VPS33A: variants seen among roughly 807,000 people sequenced by gnomAD.
VPS33A encodes the protein vacuolar protein sorting-associated protein 33A.
A neutral mutation model predicts 71.8 loss-of-function variants in VPS33A; 32 were observed. The observed-to-expected ratio is 0.45, with a 90% CI of 0.34 to 0.60. The LOEUF is 0.60. Among genes scored for constraint, VPS33A ranks in the 20% least tolerant of loss-of-function variants. VPS33A has a pLI of 0.02. For missense variants in VPS33A, 625 were observed against 748.5 expected, an observed-to-expected ratio of 0.84 and a Z score of 1.92; for synonymous variants, 311 against 292.7, an observed-to-expected ratio of 1.06 and a Z score of -0.64.
rs572728469 is a variant in VPS33A at position 122,229,716 on chromosome 12, G to C, written c.*2530C>G. On this transcript the variant is annotated 3_prime_UTR_variant, in exon 13 of 13. Coordinates refer to ENST00000267199, the MANE Select transcript of VPS33A (RefSeq NM_022916.6). ...TCTCAGTAAGGGCATACTCTTTTGA[G>C]ACAAAGACTGCTTCAAGTATTAAAT... 6.6e-6 allele frequency: 1 copy of C among 152,188 alleles called. No homozygotes were observed. The highest frequency in any genetic ancestry group is 1.9e-4 in the East Asian group (1 of 5,204). 9.4% of individuals were successfully genotyped at this position (152,188 alleles called of 1,614,324 possible).
intron 3 of VPS33A, among the ~76,000 whole-genome samples, chr12:122,261,724 TG>T (rs1401762336): frequency 1.3e-5 from 2 of 151,224 alleles, no homozygotes; most frequent in African/African-American, 4.9e-5. Flanking sequence ...CAAAAATGGC[TG>T]GGCGCAGTGG....
At chr12:122,250,490 C>T (rs1456543425) in intron 5 of VPS33A, among the ~76,000 whole-genome samples, 2 of 152,204 alleles carry the variant, frequency 1.3e-5, no homozygotes, top group East Asian at 1.9e-4. Context: ...TCACACTGAA[C>T]TGACAGCCAG....
intron 4 of VPS33A, among the ~76,000 whole-genome samples, chr12:122,254,889 A>G (rs977685821): frequency 6.6e-6 from 1 of 151,982 alleles, no homozygotes; most frequent in Non-Finnish European, 1.5e-5. Context: ...TGTCTCTACC[A>G]AAAACACAAA....
chr12:122,242,359 C>T, intron 8 of VPS33A, 23 bp downstream of exon 8: 1 of 1,602,962 alleles, frequency 6.2e-7, no homozygotes, highest in Non-Finnish European at 8.5e-7. Flanking sequence ...CAGACTGAAA[C>T]AATCATTACA....
intron 4 of VPS33A, among the ~76,000 whole-genome samples, chr12:122,260,099 A>G (rs1954972387): frequency 6.6e-6 from 1 of 152,072 alleles, no homozygotes; most frequent in Non-Finnish European, 1.5e-5. Flanking sequence ...ACTGAACTAG[A>G]TTAGTGGCTG....
At position 122,231,160 on chromosome 12, in the gene VPS33A, T is replaced by C. The variant is rs554327976; in HGVS notation, c.*1086A>G. The C allele has an allele frequency of 6.6e-6, 1 of 152,352 alleles. No homozygotes were observed. The highest frequency in any genetic ancestry group is 6.5e-5 in the Admixed American group (1 of 15,304). The allele number at this position is 152,352 out of a possible 1,614,324, so 9.4% of individuals were successfully genotyped here. A position where few individuals can be genotyped will look rare whatever the true frequency, so the allele number is the denominator to read the frequency against. On this transcript the variant is annotated 3_prime_UTR_variant, in exon 13 of 13. Coordinates refer to ENST00000267199, the MANE Select transcript of VPS33A (RefSeq NM_022916.6). ...CCTCAATGGAGGCACCCACCACTGC[T>C]GTGTCTGGAGTTAACGTGTGTGCTA...
chr12:122,263,086 G>A (rs751838203), intron 3 of VPS33A, among the ~76,000 whole-genome samples: 2 of 149,404 alleles, frequency 1.3e-5, no homozygotes, highest in South Asian at 2.1e-4. Context: ...TCTGCCTCCC[G>A]GGTTCAACAG....
At chr12:122,257,789 A>G (rs1954940072) in intron 4 of VPS33A, among the ~76,000 whole-genome samples, 1 of 152,158 alleles carries the variant, frequency 6.6e-6, no homozygotes, top group African/African-American at 2.4e-5. Context: ...AAGGACTCAC[A>G]CTTCTGATTT....
rs1954836066 is a variant in VPS33A at position 122,251,019 on chromosome 12, C to T, written c.564G>A (p.Thr188=). ...CTCCTTTCCCAAAGATCTGGGGGAT[C>T]GTTCCATACAGAGCTTGCAGGGTCA... is the stretch of plus-strand genomic sequence containing the variant. ...GLMTLQALYG[T]IPQIFGKGEC... The change falls in exon 5 of 13, where the codon ACG becomes ACA. Residue 188 remains threonine, a synonymous_variant. Transcript: ENST00000267199. 4 of 1,614,054 alleles carry T rather than the reference C, an allele frequency of 2.5e-6. No individual in the cohort carries two copies. Among genetic ancestry groups the T allele is most frequent in the Non-Finnish European group, 3.4e-6 (4 of 1,179,934 alleles).
rs773802139 is a variant in VPS33A, at chr12:122,230,072, T to C, written c.*2174A>G. 3.3e-5 allele frequency: 5 copies of C among 152,218 alleles called. No homozygotes were observed. The highest frequency in any genetic ancestry group is 7.3e-5 in the Non-Finnish European group (5 of 68,044). The allele number at this position is 152,218 out of a possible 1,614,324, so 9.4% of individuals were successfully genotyped here. On this transcript the variant is annotated 3_prime_UTR_variant, in exon 13 of 13. Transcript: ENST00000267199. ...GGTGGAAGGTATAAACTAATCTCCC[T>C]GGGATATAACAAGTATTTAAAAAAG...
At chr12:122,262,633 A>T (rs934241359) in intron 3 of VPS33A, among the ~76,000 whole-genome samples, 9 of 149,378 alleles carry the variant, frequency 6.0e-5, no homozygotes, top group African/African-American at 2.3e-4. Context: ...ATGAAATTCA[A>T]GTACATGCAG....
At chr12:122,236,986 C>T (rs1317578606) in intron 10 of VPS33A, among the ~76,000 whole-genome samples, 6 of 152,052 alleles carry the variant, frequency 3.9e-5, no homozygotes, top group South Asian at 2.1e-4. Flanking sequence ...GTACAGGGGA[C>T]GTTCACATTT....
In VPS33A at chr12:122,261,463, C is replaced by T; in HGVS notation, c.297-16G>A. 6.2e-7 allele frequency: 1 copy of T among 1,612,000 alleles called. No individual in the cohort carries two copies. The highest frequency in any genetic ancestry group is 8.5e-7 in the Non-Finnish European group (1 of 1,179,458). On this transcript the variant is annotated splice_polypyrimidine_tract_variant and intron_variant, in intron 3 of 12. Transcript: ENST00000267199. ...TCTATCTTCACTGCAAAGGAAGCAACATTTGTTAGCTTATGAGCTCCTAAG... is the reference window on the plus strand; with the variant it reads ...TCTATCTTCACTGCAAAGGAAGCAATATTTGTTAGCTTATGAGCTCCTAAG...
intron 4 of VPS33A, among the ~76,000 whole-genome samples, chr12:122,256,757 A>C (rs1954924178): frequency 6.6e-6 from 1 of 152,150 alleles, no homozygotes; most frequent in African/African-American, 2.4e-5. Context: ...CGCAGCCTAC[A>C]AAGGGCGCAT....
chr12:122,257,835 T>C (rs1405815386), intron 4 of VPS33A, among the ~76,000 whole-genome samples: 1 of 152,050 alleles, frequency 6.6e-6, no homozygotes, highest in Non-Finnish European at 1.5e-5. Context: ...ATCAAGACAG[T>C]GTAGTACTGG....
intron 4 of VPS33A, among the ~76,000 whole-genome samples, chr12:122,258,591 G>A (rs1467969922): frequency 6.6e-6 from 1 of 151,954 alleles, no homozygotes; most frequent in Admixed American, 6.6e-5. Flanking sequence ...AGGCCAACAG[G>A]CACAAGAAAA....
chr12:122,232,614 T>G (rs1024079353), intron 12 of VPS33A, among the ~76,000 whole-genome samples, 186 bp downstream of exon 12: 1 of 152,212 alleles, frequency 6.6e-6, no homozygotes, highest in African/African-American at 2.4e-5. Flanking sequence ...AACACAGAAG[T>G]TGAAAGCTGC....
chr12:122,259,869 GA>G, intron 4 of VPS33A, among the ~76,000 whole-genome samples: 1 of 150,144 alleles, frequency 6.7e-6, no homozygotes, highest in East Asian at 1.9e-4. Flanking sequence ...AATAAAAATA[GA>G]AAAAAAAAGA....
At chr12:122,260,949 C>T (rs1362463573) in intron 4 of VPS33A, among the ~76,000 whole-genome samples, 1 of 152,042 alleles carries the variant, frequency 6.6e-6, no homozygotes, top group African/African-American at 2.4e-5. Context: ...CGCTCCAGCC[C>T]GGGCGACAGA....
Sources: allele counts gnomAD v4.1 joint callset (sites outside exome capture counted in the v4.1 genomes callset), GRCh38; gene constraint gnomAD v4.1.1; transcripts MANE v1.5; gene names NCBI Gene and HGNC (gene_info 2026-07-23, HGNC 2026-07-21).